Variants in NRDC observed in about 807,000 individuals in gnomAD.
The protein encoded by NRDC is nardilysin.
In NRDC, 54 loss-of-function variants were observed where a neutral mutation model predicts 147.1. The observed-to-expected ratio is 0.37, with a 90% CI of 0.29 to 0.46. The LOEUF is 0.46. Ranked by LOEUF, NRDC falls within the 20% of genes least tolerant of loss-of-function variation. The pLI, the probability that NRDC is intolerant of heterozygous loss-of-function variation, is 1.00. For synonymous variants in NRDC, 440 were observed against 482.1 expected (o/e 0.91, Z 1.14); for missense variants, 1,082 against 1,370.6 (o/e 0.79, Z 3.33).
intron 1 of NRDC, among the ~76,000 whole-genome samples, chr1:51,861,656 A>G (rs1248003344): frequency 6.6e-6 from 1 of 152,154 alleles, no homozygotes; most frequent in African/African-American, 2.4e-5. Flanking sequence ...TACATGAGAA[A>G]GATTCTGTAC....
chr1:51,800,082 C>T (rs547949675), intron 21 of NRDC, among the ~76,000 whole-genome samples: 1 of 152,282 alleles, frequency 6.6e-6, no homozygotes, highest in East Asian at 1.9e-4. Context: ...TCAAGCAATC[C>T]TCCCACCTCA....
At chr1:51,861,855 T>C (rs946719498) in intron 1 of NRDC, among the ~76,000 whole-genome samples, 2 of 152,102 alleles carry the variant, frequency 1.3e-5, no homozygotes, top group African/African-American at 4.8e-5. Flanking sequence ...CACGCACACA[T>C]TTATATGCAA....
intron 1 of NRDC, among the ~76,000 whole-genome samples, chr1:51,869,515 ATT>A (rs1158336489): frequency 1.3e-5 from 2 of 152,190 alleles, no homozygotes; most frequent in African/African-American, 2.4e-5. Flanking sequence ...GGAATTATAC[ATT>A]TTGTTTTGCC....
intron 1 of NRDC, among the ~76,000 whole-genome samples, chr1:51,861,330 CTTCTTT>C (rs1328828273): frequency 1.0e-5 from 1 of 98,296 alleles, no homozygotes; most frequent in Non-Finnish European, 2.0e-5. Context: ...ATCTCTTCTT[CTTCTTT>C]TTTTTTTTTT....
rs566918790 is a variant in NRDC at position 51,871,923 on chromosome 1, T to G, written c.341+6352A>C. Among the ~76,000 whole-genome samples, 4 of 152,302 alleles carry G rather than the reference T, an allele frequency of 2.6e-5. No homozygotes were observed. In the South Asian group the frequency reaches 8.3e-4, roughly 32 times the overall value. The stretch of plus-strand genomic sequence containing the variant: ...TCTGGTTCTGTTGCCCAGCCTAGAG[T>G]GCAGTGGGCGCGATCTTGACTCACT... On this transcript the variant is annotated intron_variant, in intron 1 of 30. Transcript: ENST00000352171.
In NRDC at chr1:51,814,788, C is replaced by T; in HGVS notation, c.1465G>A (p.Gly489Arg). ...TGCTCAAATCCTGTCTCACCATTTC[C>T]ACCAAACAGTGCAAGAGCCCAGCAT... Reference protein sequence around the residue: ...KKCWALALFGGNGETGFEQNS... With the variant: ...KKCWALALFGRNGETGFEQNS... Residue 489 changes from glycine (G) to arginine (R), a missense_variant, in exon 12 of 31, where the codon GGA becomes AGA. By Grantham distance (125) the Gly-to-Arg change is moderately radical. This residue lies in a region of NRDC where 635 missense variants were observed against 923.8 expected (regional missense o/e 0.69). Transcript: ENST00000352171. 1 of 1,606,814 alleles carries T rather than the reference C, an allele frequency of 6.2e-7. No individual in the cohort carries two copies. Among genetic ancestry groups the T allele is most frequent in the Non-Finnish European group, 8.5e-7 (1 of 1,177,830 alleles).
chr1:51,810,485 G>A, intron 15 of NRDC, 81 bp from the exon 16 acceptor site: 1 of 1,205,014 alleles, frequency 8.3e-7, no homozygotes, highest in Non-Finnish European at 1.2e-6. Context: ...AAATCACATT[G>A]TTAGGCACCT....
intron 1 of NRDC, among the ~76,000 whole-genome samples, chr1:51,846,644 A>T (rs1396576749): frequency 6.6e-6 from 1 of 152,236 alleles, no homozygotes; most frequent in Non-Finnish European, 1.5e-5. Flanking sequence ...GCAGACCTTC[A>T]GGGTGAGTGT....
At chr1:51,822,130 A>G (rs1571868799) in intron 7 of NRDC, among the ~76,000 whole-genome samples, 1 of 152,192 alleles carries the variant, frequency 6.6e-6, no homozygotes, top group East Asian at 1.9e-4. Context: ...GGAAATTTAT[A>G]GTAAAAAACA....
chr1:51,845,461 C>T (rs1336147224), intron 1 of NRDC, among the ~76,000 whole-genome samples: 1 of 152,146 alleles, frequency 6.6e-6, no homozygotes, highest in East Asian at 1.9e-4. Context: ...TGTGTGGTGG[C>T]ATACGCCTGT....
chr1:51,877,358 T>C lies in NRDC; in HGVS notation c.341+917A>G, dbSNP rs1427145530. On this transcript the variant is annotated intron_variant, in intron 1 of 30. Coordinates refer to ENST00000352171, the MANE Select transcript of NRDC (RefSeq NM_001101662.2). ...AAGTTATTGGACAATATGAACTCTA[T>C]TTAAAATACATCAAAGTCCAGGCCT... Among the ~76,000 whole-genome samples the C allele has an allele frequency of 2.0e-5, 3 of 152,050 alleles. 1 individual carries two copies. The highest frequency in any genetic ancestry group is 7.2e-5 in the African/African-American group (3 of 41,380).
intron 1 of NRDC, among the ~76,000 whole-genome samples, chr1:51,859,481 A>G (rs1168554394): frequency 6.6e-6 from 1 of 152,270 alleles, no homozygotes; most frequent in African/African-American, 2.4e-5. Flanking sequence ...AGGCAGAATC[A>G]AGCCCAATAT....
At position 51,850,135 on chromosome 1, in the gene NRDC, C is replaced by T. The variant is rs1681874167; in HGVS notation, c.342-9621G>A. Among the ~76,000 whole-genome samples the T allele has an allele frequency of 2.0e-5, 3 of 151,984 alleles. No individual in the cohort carries two copies. In the South Asian group the frequency reaches 6.2e-4, roughly 31 times the overall value. On this transcript the variant is annotated intron_variant, in intron 1 of 30. Coordinates refer to ENST00000352171, the MANE Select transcript of NRDC (RefSeq NM_001101662.2). ...GAGGTTGCAGTGAGCCAAGATTACA[C>T]CACTGCACTCCAGCCCGGGCAACAG...
At chr1:51,810,900 T>G (rs1005144937) in intron 15 of NRDC, among the ~76,000 whole-genome samples, 2 of 152,212 alleles carry the variant, frequency 1.3e-5, no homozygotes, top group Non-Finnish European at 2.9e-5. Flanking sequence ...TAACTAAATT[T>G]GTACATGCTA....
chr1:51,830,240 G>A (rs1680648436), intron 4 of NRDC, among the ~76,000 whole-genome samples: 1 of 152,094 alleles, frequency 6.6e-6, no homozygotes, highest in Non-Finnish European at 1.5e-5. Context: ...TGAGATTACA[G>A]GCATGAGCCA....
At chr1:51,875,210 A>G (rs1460387068) in intron 1 of NRDC, among the ~76,000 whole-genome samples, 1 of 152,186 alleles carries the variant, frequency 6.6e-6, no homozygotes, top group Non-Finnish European at 1.5e-5. Context: ...TTCCACCTTT[A>G]TTTTAAACTA....
At chr1:51,819,560 C>T (rs1449692829) in intron 9 of NRDC, among the ~76,000 whole-genome samples, 1 of 151,920 alleles carries the variant, frequency 6.6e-6, no homozygotes, top group Non-Finnish European at 1.5e-5. Flanking sequence ...AAAGGTAAAA[C>T]AAGGAGAAAG....
chr1:51,821,074 T>G (rs558432729), intron 8 of NRDC, among the ~76,000 whole-genome samples: 3 of 152,272 alleles, frequency 2.0e-5, no homozygotes, highest in African/African-American at 7.2e-5. Context: ...TCTAAAAGAT[T>G]ACTTCTTTTA....
At chr1:51,872,178 CAG>C (rs571637241) in intron 1 of NRDC, among the ~76,000 whole-genome samples, 19 of 152,238 alleles carry the variant, frequency 1.2e-4, no homozygotes, top group South Asian at 4.2e-4. Flanking sequence ...GTCAGAAAAA[CAG>C]AGAGTTTTTT....
Sources: allele counts gnomAD v4.1 joint callset (sites outside exome capture counted in the v4.1 genomes callset), GRCh38; gene constraint gnomAD v4.1.1; regional missense constraint gnomAD v4.1.1; transcripts MANE v1.5; gene names NCBI Gene and HGNC (gene_info 2026-07-23, HGNC 2026-07-21).